The following DAB1 variants were observed in gnomAD, a reference collection of about 807,000 sequenced individuals.
The protein encoded by DAB1 is DAB adaptor protein 1, also known as disabled homolog 1.
A neutral mutation model predicts 64.6 loss-of-function variants in DAB1; 15 were observed. That is an observed-to-expected ratio of 0.23 (90% CI 0.16 to 0.36). DAB1 has a LOEUF of 0.36. Among genes scored for constraint, DAB1 ranks in the 10% least tolerant of loss-of-function variants. The pLI is 1.00. For synonymous variants in DAB1, 235 were observed against 251.9 expected, an observed-to-expected ratio of 0.93 and a Z score of 0.64; for missense variants, 596 against 706.7, an observed-to-expected ratio of 0.84 and a Z score of 1.78.
chr1:57,740,163 G>A (rs184832147), intron 6 of DAB1, among the ~76,000 whole-genome samples: 40 of 152,176 alleles, frequency 2.6e-4, no homozygotes, highest in Admixed American at 6.5e-4. Context: ...GCAATGAGCC[G>A]AGATTATGCC....
intron 4 of DAB1, among the ~76,000 whole-genome samples, chr1:58,280,971 TC>T (rs1661547790): frequency 6.6e-6 from 1 of 152,258 alleles, no homozygotes; most frequent in South Asian, 2.1e-4. Context: ...ATGGGCCATG[TC>T]TTTGTACATG....
chr1:57,136,894 A>G (rs953861476), intron 3 of DAB1, among the ~76,000 whole-genome samples: 1 of 152,188 alleles, frequency 6.6e-6, no homozygotes, highest in Non-Finnish European at 1.5e-5. Context: ...ATCAAAATTT[A>G]TAGAATGGTG....
intron 7 of DAB1, among the ~76,000 whole-genome samples, chr1:57,641,640 T>C (rs113560250): frequency 2.6e-5 from 4 of 151,848 alleles, no homozygotes; most frequent in African/African-American, 9.7e-5. Context: ...CACCTCAGTC[T>C]CCCAAAGTGC....
chr1:57,003,887 G>A (rs541282804), intron 14 of DAB1, among the ~76,000 whole-genome samples: 1 of 152,260 alleles, frequency 6.6e-6, no homozygotes, highest in South Asian at 2.1e-4. Flanking sequence ...TCACCCTAAA[G>A]ACTTCTCTTG....
At chr1:58,452,077 T>C (rs1401001549) in intron 3 of DAB1, among the ~76,000 whole-genome samples, 1 of 151,754 alleles carries the variant, frequency 6.6e-6, no homozygotes, top group African/African-American at 2.4e-5. Flanking sequence ...GGATTACAGG[T>C]GCGAGCCAAC....
intron 6 of DAB1, among the ~76,000 whole-genome samples, chr1:57,740,292 A>G (rs926249298): frequency 5.3e-5 from 8 of 152,108 alleles, no homozygotes; most frequent in African/African-American, 1.9e-4. Flanking sequence ...CCCACATAAC[A>G]CTTTTGGAAA....
At chr1:57,755,111 G>T (rs1356247126) in intron 6 of DAB1, among the ~76,000 whole-genome samples, 1 of 152,094 alleles carries the variant, frequency 6.6e-6, no homozygotes, top group Non-Finnish European at 1.5e-5. Flanking sequence ...ATCTAGTAGA[G>T]TCAGTCAGTT....
intron 4 of DAB1, among the ~76,000 whole-genome samples, chr1:58,313,052 C>T (rs1662466352): frequency 6.6e-6 from 1 of 152,128 alleles, no homozygotes; most frequent in Admixed American, 6.6e-5. Flanking sequence ...CAGACCCCAG[C>T]ATTACTACCT....
intron 2 of DAB1, among the ~76,000 whole-genome samples, chr1:57,159,953 T>C (rs1218836098): frequency 6.6e-6 from 1 of 151,380 alleles, no homozygotes; most frequent in Non-Finnish European, 1.5e-5. Flanking sequence ...CGTCCTCCCA[T>C]GAAGGCTTGA....
Position 57,890,054 on chromosome 1 carries a change from G to A in DAB1, n.388-5892C>T, listed in dbSNP as rs145607557. Among the ~76,000 whole-genome samples the A allele has an allele frequency of 4.6e-3, 696 of 152,214 alleles. 1 individual carries two copies. Among genetic ancestry groups the A allele is most frequent in the Admixed American group, 6.5e-3 (99 of 15,282 alleles). ...AGAAGAGATAGAAAGCAGGAAGAGT[G>A]GCAATGGAGCCCACGGTCGAGTGGG... On this transcript the variant is annotated intron_variant and non_coding_transcript_variant, in intron 5 of 20. Coordinates refer to the DAB1 transcript ENST00000485760.
intron 1 of DAB1, among the ~76,000 whole-genome samples, chr1:57,373,629 T>C (rs1269185567): frequency 2.0e-5 from 3 of 152,232 alleles, no homozygotes; most frequent in Non-Finnish European, 2.9e-5. Context: ...GCTCTACTTT[T>C]ATTATCTGTG....
At chr1:57,034,286 A>AAAAAAAAAG (rs1254501382) in intron 9 of DAB1, among the ~76,000 whole-genome samples, 3 of 151,644 alleles carry the variant, frequency 2.0e-5, no homozygotes, top group South Asian at 2.1e-4. Context: ...TTCAAAAAAA[A>AAAAAAAAAG]AAAAAGAAAT....
chr1:58,119,225 C>CGTGT lies in DAB1; in HGVS notation n.387+31282_387+31285dup, dbSNP rs35994489. On this transcript the variant is annotated intron_variant and non_coding_transcript_variant, in intron 5 of 20. Coordinates refer to the DAB1 transcript ENST00000485760. ...GAAAATCAAATATTGTGTGTGTGTG[C>CGTGT]GTGTGTGTGTGTGTGTGTGTGTGTG... Among the ~76,000 whole-genome samples, 200 of 146,990 alleles carry CGTGT rather than the reference C, an allele frequency of 1.4e-3. 1 individual carries two copies. The highest frequency in any genetic ancestry group is 3.6e-3 in the African/African-American group (145 of 39,888).
At chr1:57,214,686 G>A (rs1277202656) in intron 2 of DAB1, among the ~76,000 whole-genome samples, 5 of 152,040 alleles carry the variant, frequency 3.3e-5, no homozygotes, top group East Asian at 1.9e-4. Context: ...CAAGGTGGGT[G>A]GATCACAAGG....
intron 3 of DAB1, among the ~76,000 whole-genome samples, chr1:58,484,743 T>C (rs1645545658): frequency 6.6e-6 from 1 of 152,124 alleles, no homozygotes; most frequent in Non-Finnish European, 1.5e-5. Flanking sequence ...AAGAAGAAAT[T>C]AGCTATCAAG....
At chr1:58,206,296 A>T (rs1240373792) in intron 4 of DAB1, among the ~76,000 whole-genome samples, 1 of 152,194 alleles carries the variant, frequency 6.6e-6, no homozygotes, top group Non-Finnish European at 1.5e-5. Flanking sequence ...TGATTAGGCA[A>T]TCAGATATGC....
intron 1 of DAB1, among the ~76,000 whole-genome samples, chr1:57,310,652 G>GA (rs1233984047): frequency 6.6e-6 from 1 of 151,474 alleles, no homozygotes. Context: ...ATTTGTAAAA[G>GA]AAAAAAAAGA....
At chr1:57,753,850 G>A (rs1281750672) in intron 6 of DAB1, among the ~76,000 whole-genome samples, 1 of 152,210 alleles carries the variant, frequency 6.6e-6, no homozygotes, top group African/African-American at 2.4e-5. Context: ...ATCTTCCAAT[G>A]TTAGAAGTGC....
chr1:57,738,404 T>C (rs1647798487), intron 6 of DAB1, among the ~76,000 whole-genome samples: 2 of 152,208 alleles, frequency 1.3e-5, no homozygotes, highest in Admixed American at 1.3e-4. Context: ...CAGCACTTTG[T>C]AACATATAAT....
Sources: gnomAD v4.1 joint callset for allele counts (sites outside exome capture counted in the v4.1 genomes callset) on GRCh38, gnomAD v4.1.1 for gene constraint, MANE v1.5 for transcripts, NCBI Gene and HGNC (gene_info 2026-07-23, HGNC 2026-07-21) for gene names.